Variants in ASIC3 observed in about 807,000 individuals in gnomAD.
ASIC3 encodes acid-sensing ion channel 3.
Under a neutral mutation model 58.6 loss-of-function variants are expected in ASIC3, and 46 were observed. That is an observed-to-expected ratio of 0.79 (90% CI 0.62 to 1.00). The LOEUF is 1.00. Ranked by LOEUF, ASIC3 falls within the 50% of genes least tolerant of loss-of-function variation. ASIC3 has a pLI of 0.00. For missense variants in ASIC3, 770 were observed against 735.0 expected (o/e 1.05, Z -0.55); for synonymous variants, 336 against 300.2 (o/e 1.12, Z -1.23).
At position 151,050,964 on chromosome 7, in the gene ASIC3, G is replaced by C; in HGVS notation, c.1009+11G>C. On this transcript the variant is annotated intron_variant, in intron 4 of 10. Transcript: ENST00000349064. ...TGGTGTACATGCCAGGTGAGGGGCT[G>C]GGGTTTTCGTCCCATGGCGGGCAGG... 4 of 1,613,432 alleles carry C rather than the reference G, an allele frequency of 2.5e-6. No individual in the cohort carries two copies. The Middle Eastern group carries it at 6.6e-4, about 267-fold the overall frequency.
Position 151,050,031 on chromosome 7 carries a change from C to CA in ASIC3, c.535-74dup, listed in dbSNP as rs929433569. On this transcript the variant is annotated intron_variant, in intron 1 of 10. Coordinates refer to ENST00000349064, the MANE Select transcript of ASIC3 (RefSeq NM_004769.4). ...ATTCAAAGAAGAGACGCAAACATAC[C>CA]ATGAGGTGGGGAGAGGTCCCATGAC... 9.4e-6 allele frequency: 15 copies of CA among 1,593,406 alleles called. No individual in the cohort carries two copies. In the African/African-American group the frequency reaches 1.9e-4, roughly 20 times the overall value.
chr7:151,050,194 A>G lies in ASIC3; in HGVS notation c.623A>G (p.Asn208Ser), dbSNP rs1796733979. Residue 208 changes from asparagine (N) to serine (S), a missense_variant, in exon 2 of 11, where the codon AAT becomes AGT. Coordinates refer to ENST00000349064, the MANE Select transcript of ASIC3 (RefSeq NM_004769.4). ...ACCACTACTAGGGGTGGCATGGGCA[A>G]TGGGCTGGACATCATGCTGGACGTG... ...LLTTTRGGMG[N>S]GLDIMLDVQQ... 1.2e-6 allele frequency: 2 copies of G among 1,614,086 alleles called. No homozygotes were observed. The highest frequency in any genetic ancestry group is 1.3e-5 in the African/African-American group (1 of 75,030).
Position 151,052,697 on chromosome 7 carries a change from A to C in ASIC3, c.*45A>C. ...GGAGCCCCGCCCTGACATCCTGGAC[A>C]TGCCTAGCCTGCACGTAGCTTTTCC... On this transcript the variant is annotated 3_prime_UTR_variant, in exon 11 of 11. Transcript: ENST00000349064. The surrounding 1 kb of genome is among the most constrained non-coding windows in gnomAD (Gnocchi z 5.0). 6.2e-7 allele frequency: 1 copy of C among 1,614,102 alleles called. No individual in the cohort carries two copies. The highest frequency in any genetic ancestry group is 2.2e-5 in the East Asian group (1 of 44,882).
chr7:151,049,285 G>A lies in ASIC3; in HGVS notation c.400G>A (p.Ala134Thr), dbSNP rs1167900579. The change falls in exon 1 of 11, where the codon GCA (alanine) becomes ACA (threonine). Residue 134 changes from alanine (A) to threonine (T), a missense_variant. Ala to Thr is a moderately conservative substitution (Grantham distance 58). Coordinates refer to ENST00000349064, the MANE Select transcript of ASIC3 (RefSeq NM_004769.4). ...AFLRALGRPPAPPGFMPSPTF... is the reference protein window; with the variant it reads ...AFLRALGRPPTPPGFMPSPTF... ...CCTGCGCGCCCTGGGCCGGCCCCCT[G>A]CACCGCCCGGCTTCATGCCCAGTCC... 1.2e-6 allele frequency: 2 copies of A among 1,612,542 alleles called. No homozygotes were observed. The highest frequency in any genetic ancestry group is 8.5e-7 in the Non-Finnish European group (1 of 1,179,912).
Position 151,050,172 on chromosome 7 carries a change from A to G in ASIC3, c.601A>G (p.Thr201Ala), listed in dbSNP as rs777105957. The G allele has an allele frequency of 1.2e-5, 19 of 1,614,042 alleles. No individual in the cohort carries two copies. Among genetic ancestry groups the G allele is most frequent in the Non-Finnish European group, 1.2e-5 (14 of 1,179,944 alleles). ...CGCTGATGGGGCAGAGCTGCTCACC[A>G]CTACTAGGGGTGGCATGGGCAATGG... ...SGADGAELLT[T>A]TRGGMGNGLD... The change falls in exon 2 of 11, where the codon ACT becomes GCT. Residue 201 changes from threonine (T) to alanine (A), a missense_variant. Transcript: ENST00000349064.
upstream of ASIC3, chr7:151,048,501 C>A (rs1236071837): frequency 2.2e-5 from 5 of 229,696 alleles, no homozygotes; most frequent in Non-Finnish European, 4.2e-5. Flanking sequence ...TCTGTCGGCC[C>A]CCTTTCCCCC....
chr7:151,048,773 C>T lies in ASIC3; in HGVS notation c.-113C>T, dbSNP rs966937035. 208 of 1,341,458 alleles carry T rather than the reference C, an allele frequency of 1.6e-4. No homozygotes were observed. The East Asian group carries it at 2.2e-3, about 14-fold the overall frequency. 83.1% of individuals were successfully genotyped at this position (1,341,458 alleles called of 1,614,324 possible). ...CCTTGGCTGTCTCCCACCCTCTCTT[C>T]TCCTCTCCTTGCCTGGCCTCCTGAA... On this transcript the variant is annotated 5_prime_UTR_variant, in exon 1 of 11. Coordinates refer to ENST00000349064, the MANE Select transcript of ASIC3 (RefSeq NM_004769.4).
intron 6 of ASIC3, 72 bp from the exon 7 acceptor site, chr7:151,051,738 C>G (rs1233147345): frequency 6.6e-7 from 1 of 1,510,422 alleles, no homozygotes; most frequent in Non-Finnish European, 9.1e-7. Flanking sequence ...TGGGAGAACC[C>G]ACAGCTGCTT....
Position 151,051,333 on chromosome 7 carries a change from G to GGCGGGCGGGCTCCTCCGAGCCGGGGGCT in ASIC3, c.1214+15_1214+42dup. Reference sequence around the variant, plus strand: ...GGCCTACATCGCGTGAGCTGCGCGGGGCGGGCGGGCTCCTCCGAGCCGGGG... The same window carrying GGCGGGCGGGCTCCTCCGAGCCGGGGGCT: ...GGCCTACATCGCGTGAGCTGCGCGGGGCGGGCGGGCTCCTCCGAGCCGGGGGCTGCGGGCGGGCTCCTCCGAGCCGGGG... On this transcript the variant is annotated intron_variant, in intron 6 of 10. Coordinates refer to ENST00000349064, the MANE Select transcript of ASIC3 (RefSeq NM_004769.4). 1.4e-6 allele frequency: 2 copies of GGCGGGCGGGCTCCTCCGAGCCGGGGGCT among 1,476,030 alleles called. No homozygotes were observed. The highest frequency in any genetic ancestry group is 1.8e-6 in the Non-Finnish European group (2 of 1,124,994). The allele number at this position is 1,476,030 out of a possible 1,614,324, so 91.4% of individuals were successfully genotyped here. A position where few individuals can be genotyped will look rare whatever the true frequency, so the allele number is the denominator to read the frequency against.
chr7:151,051,834 C>T lies in ASIC3; in HGVS notation c.1239C>T (p.Ile413=), dbSNP rs1796788557. 1 of 1,613,748 alleles carries T rather than the reference C, an allele frequency of 6.2e-7. No homozygotes were observed. The highest frequency in any genetic ancestry group is 1.3e-5 in the African/African-American group (1 of 74,974). ...GGGAGAACGTGCTGGCCCTGGACATCTTCTTTGAGGCCCTCAACTATGAGA... is the reference window on the plus strand; with the variant it reads ...GGGAGAACGTGCTGGCCCTGGACATTTTCTTTGAGGCCCTCAACTATGAGA... ...YIAENVLALD[I]FFEALNYETV... is the part of the protein sequence containing the mutation. Residue 413 remains isoleucine, a synonymous_variant, in exon 7 of 11, where the codon ATC becomes ATT. Transcript: ENST00000349064.
In ASIC3 at chr7:151,051,916, C is replaced by T; in HGVS notation, c.1306+15C>T. Reference sequence around the variant, plus strand: ...AGAGCTGCTTGGTGTGTGTGCAGGGCCCCCAGGGCTGGGGGGGTGTGGGCA... The same window carrying T: ...AGAGCTGCTTGGTGTGTGTGCAGGGTCCCCAGGGCTGGGGGGGTGTGGGCA... On this transcript the variant is annotated intron_variant, in intron 7 of 10. Coordinates refer to ENST00000349064, the MANE Select transcript of ASIC3 (RefSeq NM_004769.4). 3.1e-6 allele frequency: 5 copies of T among 1,613,312 alleles called. No homozygotes were observed. Among genetic ancestry groups the T allele is most frequent in the Non-Finnish European group, 4.2e-6 (5 of 1,179,788 alleles).
In ASIC3 at chr7:151,052,540, C is replaced by T. The variant is rs763497531; in HGVS notation, c.1518-34C>T. 56 of 1,613,480 alleles carry T rather than the reference C, an allele frequency of 3.5e-5. No homozygotes were observed. Among genetic ancestry groups the T allele is most frequent in the Non-Finnish European group, 4.4e-5 (52 of 1,179,746 alleles). The stretch of plus-strand genomic sequence containing the variant: ...GCAGGCTCAGGACAGTGGGTGTGCC[C>T]GTTCCCACCCCAGCACTCTGCTCTG... On this transcript the variant is annotated intron_variant, in intron 10 of 10. Coordinates refer to ENST00000349064, the MANE Select transcript of ASIC3 (RefSeq NM_004769.4). This position sits in a 1 kb window ranked among gnomAD's most constrained non-coding sequence, Gnocchi z 5.0.
Position 151,050,973 on chromosome 7 carries a change from G to A in ASIC3, c.1009+20G>A, listed in dbSNP as rs1261421635. 3 of 1,613,358 alleles carry A rather than the reference G, an allele frequency of 1.9e-6. No homozygotes were observed. Among genetic ancestry groups the A allele is most frequent in the Non-Finnish European group, 1.7e-6 (2 of 1,180,014 alleles). ...TGCCAGGTGAGGGGCTGGGGTTTTC[G>A]TCCCATGGCGGGCAGGGCCCAGGGA... On this transcript the variant is annotated intron_variant, in intron 4 of 10. Coordinates refer to ENST00000349064, the MANE Select transcript of ASIC3 (RefSeq NM_004769.4).
rs1796815344 is a variant in ASIC3 at position 151,052,694 on chromosome 7, G to A, written c.*42G>A. 6.2e-7 allele frequency: 1 copy of A among 1,613,972 alleles called. No individual in the cohort carries two copies. The highest frequency in any genetic ancestry group is 8.5e-7 in the Non-Finnish European group (1 of 1,180,012). On this transcript the variant is annotated 3_prime_UTR_variant, in exon 11 of 11. Coordinates refer to ENST00000349064, the MANE Select transcript of ASIC3 (RefSeq NM_004769.4). This position sits in a 1 kb window ranked among gnomAD's most constrained non-coding sequence, Gnocchi z 5.0. ...CTCGGAGCCCCGCCCTGACATCCTGGACATGCCTAGCCTGCACGTAGCTTT... is the reference window on the plus strand; with the variant it reads ...CTCGGAGCCCCGCCCTGACATCCTGAACATGCCTAGCCTGCACGTAGCTTT...
rs747509313 is a variant in ASIC3, at chr7:151,051,187, A to C, written c.1082A>C (p.Lys361Thr). The change falls in exon 6 of 11, where the codon AAG becomes ACG. Residue 361 changes from lysine to threonine, a missense_variant. Transcript: ENST00000349064. ...TGGCCCGCAGATGCCATGCTTCGCA[A>C]GGACTCGTGCGCCTGCCCCAACCCG... is the stretch of plus-strand genomic sequence containing the variant. The part of the protein sequence containing the change: ...AHPAIDAMLR[K>T]DSCACPNPCA... 3 of 1,592,494 alleles carry C rather than the reference A, an allele frequency of 1.9e-6. No homozygotes were observed. The East Asian group carries it at 6.8e-5, about 36-fold the overall frequency.
chr7:151,052,549 C>A lies in ASIC3; in HGVS notation c.1518-25C>A. ...GGACAGTGGGTGTGCCCGTTCCCAC[C>A]CCAGCACTCTGCTCTGTTCCGAAGA... On this transcript the variant is annotated intron_variant, in intron 10 of 10. Coordinates refer to ENST00000349064, the MANE Select transcript of ASIC3 (RefSeq NM_004769.4). The surrounding 1 kb of genome is among the most constrained non-coding windows in gnomAD (Gnocchi z 5.0). The A allele has an allele frequency of 1.2e-6, 2 of 1,613,754 alleles. No homozygotes were observed. The highest frequency in any genetic ancestry group is 2.2e-5 in the South Asian group (2 of 91,024).
chr7:151,049,946 G>A (rs984663069), intron 1 of ASIC3, 160 bp from the exon 2 acceptor site: 34 of 903,726 alleles, frequency 3.8e-5, no homozygotes, highest in Admixed American at 2.1e-4. Flanking sequence ...TCCCAAGAGC[G>A]TCCTGCAACA....
At chr7:151,051,006 C>CCCAGGG in intron 4 of ASIC3, 33 bp from the exon 5 acceptor site, 1 of 1,613,204 alleles carries the variant, frequency 6.2e-7, no homozygotes, top group Non-Finnish European at 8.5e-7. Flanking sequence ...GGAGCTGAGG[C>CCCAGGG]TGCTTCTAAA....
chr7:151,051,438 TC>T, intron 6 of ASIC3, 119 bp downstream of exon 6: 2 of 1,270,846 alleles, frequency 1.6e-6, no homozygotes, highest in Non-Finnish European at 2.1e-6. Flanking sequence ...CTCCGCAGCC[TC>T]ACTGGCTCTG....
Sources: gnomAD v4.1 joint callset for allele counts on GRCh38, gnomAD v4.1.1 for gene constraint, Gnocchi (gnomAD v3.1) non-coding constraint, MANE v1.5 for transcripts, NCBI Gene and HGNC (gene_info 2026-07-23, HGNC 2026-07-21) for gene names.